Variants in DPP10 observed in about 807,000 individuals in gnomAD.
DPP10 encodes inactive dipeptidyl peptidase 10.
In DPP10, 33 loss-of-function variants were observed where a neutral mutation model predicts 120.9. That is an observed-to-expected ratio of 0.27 (90% CI 0.21 to 0.37). DPP10 has a LOEUF of 0.37. Among genes scored for constraint, DPP10 ranks in the 10% least tolerant of loss-of-function variants. The pLI is 1.00. For synonymous variants in DPP10, 337 were observed against 326.1 expected (o/e 1.03, Z -0.36); for missense variants, 816 against 942.8 (o/e 0.87, Z 1.76).
intron 1 of DPP10, among the ~76,000 whole-genome samples, chr2:114,564,486 TAAG>T (rs1039182962): frequency 6.6e-6 from 1 of 152,176 alleles, no homozygotes; most frequent in Admixed American, 6.5e-5. Context: ...CATTAACAAC[TAAG>T]GTTATTTAGA....
chr2:115,455,302 T>C (rs1070872), intron 3 of DPP10, among the ~76,000 whole-genome samples: 125,484 of 151,666 alleles, frequency 0.83, 54,942 homozygotes, highest in Non-Finnish European at 0.97. Context: ...AGGTAGAAAT[T>C]GATGAGCTGG....
chr2:115,685,548 TGC>T (rs2090943002), intron 5 of DPP10, among the ~76,000 whole-genome samples: 3 of 151,994 alleles, frequency 2.0e-5, no homozygotes, highest in African/African-American at 7.2e-5. Context: ...TTTATGAACT[TGC>T]ACATAATTAG....
chr2:115,371,543 T>C (rs112239115), intron 3 of DPP10, among the ~76,000 whole-genome samples: 23 of 152,296 alleles, frequency 1.5e-4, no homozygotes, highest in African/African-American at 5.3e-4. Flanking sequence ...TTGATTGTTC[T>C]GCCCTTTTCA....
At chr2:114,774,559 CT>C (rs1315900251) in intron 1 of DPP10, among the ~76,000 whole-genome samples, 5 of 149,952 alleles carry the variant, frequency 3.3e-5, no homozygotes, top group Non-Finnish European at 7.4e-5. Flanking sequence ...ATGTAAGAAA[CT>C]TTCATAAAAT....
intron 17 of DPP10, among the ~76,000 whole-genome samples, chr2:115,784,162 G>C (rs189060812): frequency 1.3e-5 from 2 of 152,240 alleles, no homozygotes; most frequent in Admixed American, 1.3e-4. Flanking sequence ...ACAAAAAAAG[G>C]CTGTGAATAG....
At chr2:115,340,365 T>G (rs2063383893) in intron 2 of DPP10, among the ~76,000 whole-genome samples, 1 of 152,074 alleles carries the variant, frequency 6.6e-6, no homozygotes, top group African/African-American at 2.4e-5. Flanking sequence ...GGCAAAGGAC[T>G]TATATAAAAA....
chr2:115,089,088 CA>C (rs1161355608), intron 1 of DPP10, among the ~76,000 whole-genome samples: 8 of 152,254 alleles, frequency 5.3e-5, no homozygotes, highest in African/African-American at 1.7e-4. Context: ...CTTCTGCCCG[CA>C]AACTTCTTGA....
intron 1 of DPP10, among the ~76,000 whole-genome samples, chr2:115,289,351 G>A (rs2060545811): frequency 6.6e-6 from 1 of 151,894 alleles, no homozygotes; most frequent in Non-Finnish European, 1.5e-5. Context: ...TGCATTGGAA[G>A]AATCAATATT....
At chr2:114,835,209 A>ATATAGGACATATCTACACACCTATGTG (rs1687618870) in intron 1 of DPP10, 1 of 150,660 alleles carries the variant, frequency 6.6e-6, no homozygotes, top group African/African-American at 2.5e-5. Flanking sequence ...ATACCTATGT[A>ATATAGGACATATCTACACACCTATGTG]TATATAGGAC....
intron 1 of DPP10, among the ~76,000 whole-genome samples, chr2:114,578,201 C>T (rs1400464688): frequency 3.3e-5 from 5 of 152,118 alleles, no homozygotes; most frequent in Admixed American, 3.3e-4. Flanking sequence ...ATGTAATTGG[C>T]TCTGGTGTTG....
chr2:115,682,509 G>T (rs995856012), intron 5 of DPP10, among the ~76,000 whole-genome samples: 9 of 151,880 alleles, frequency 5.9e-5, no homozygotes, highest in African/African-American at 1.9e-4. Context: ...GCAATTTAAA[G>T]AAGGTTTTTC....
intron 3 of DPP10, among the ~76,000 whole-genome samples, chr2:115,381,580 G>T (rs1280174711): frequency 6.6e-6 from 1 of 152,308 alleles, no homozygotes; most frequent in African/African-American, 2.4e-5. Flanking sequence ...GTCCAGCTTT[G>T]TTCCATTGCT....
At position 115,238,719 on chromosome 2, in the gene DPP10, T is replaced by C. The variant is rs928097920; in HGVS notation, c.61-70520T>C. On this transcript the variant is annotated intron_variant, in intron 1 of 25. Coordinates refer to ENST00000410059, the MANE Select transcript of DPP10 (RefSeq NM_020868.6). ...TGGAATTTACTCCCAGTAAATACGATGTGAACATTGTTGAAATGACAGCAA... is the reference window on the plus strand; with the variant it reads ...TGGAATTTACTCCCAGTAAATACGACGTGAACATTGTTGAAATGACAGCAA... Among the ~76,000 whole-genome samples the C allele has an allele frequency of 2.0e-5, 3 of 152,220 alleles. No homozygotes were observed. In the East Asian group the frequency reaches 5.8e-4, roughly 29 times the overall value.
At chr2:115,406,546 G>GACTA (rs2068523019) in intron 3 of DPP10, among the ~76,000 whole-genome samples, 1 of 152,092 alleles carries the variant, frequency 6.6e-6, no homozygotes, top group South Asian at 2.1e-4. Context: ...TAAGAGATGA[G>GACTA]ACTAACTTTA....
At chr2:115,350,849 G>GT (rs1299759206) in intron 3 of DPP10, among the ~76,000 whole-genome samples, 1 of 152,024 alleles carries the variant, frequency 6.6e-6, no homozygotes, top group African/African-American at 2.4e-5. Flanking sequence ...CCCCCAAAGG[G>GT]TTTTTTTAAA....
At chr2:115,815,244 C>T (rs1687099792) in intron 20 of DPP10, among the ~76,000 whole-genome samples, 1 of 152,046 alleles carries the variant, frequency 6.6e-6, no homozygotes, top group Non-Finnish European at 1.5e-5. Flanking sequence ...TTTAATTATA[C>T]CACTATATTA....
intron 1 of DPP10, among the ~76,000 whole-genome samples, chr2:114,632,803 T>C (rs111295168): frequency 0.15 from 22,841 of 151,998 alleles, 2,821 homozygotes; most frequent in African/African-American, 0.34. Flanking sequence ...TGAGCCACTG[T>C]GCCCGGCCAG....
chr2:115,588,447 T>A (rs886332922), intron 5 of DPP10, among the ~76,000 whole-genome samples: 1 of 152,310 alleles, frequency 6.6e-6, no homozygotes, highest in Admixed American at 6.5e-5. Context: ...CTTCAATATA[T>A]GATGGAGTTG....
At chr2:114,610,971 C>G (rs1445898402) in intron 1 of DPP10, among the ~76,000 whole-genome samples, 1 of 152,142 alleles carries the variant, frequency 6.6e-6, no homozygotes, top group Non-Finnish European at 1.5e-5. Context: ...CCATTCAGCA[C>G]TGAGTGATCA....
Sources: allele counts gnomAD v4.1 joint callset (sites outside exome capture counted in the v4.1 genomes callset), GRCh38; gene constraint gnomAD v4.1.1; transcripts MANE v1.5; gene names NCBI Gene and HGNC (gene_info 2026-07-23, HGNC 2026-07-21).